The following DDX4 variants were observed in gnomAD, a reference collection of about 807,000 sequenced individuals.
DDX4 encodes the protein DEAD-box helicase 4, also known as probable ATP-dependent RNA helicase DDX4.
Under a neutral mutation model 100.0 loss-of-function variants are expected in DDX4, and 25 were observed. The ratio of observed to expected loss-of-function variants is 0.25; its 90% CI spans 0.18 to 0.35. The LOEUF (loss-of-function observed/expected upper bound fraction) is 0.35. Ranked by LOEUF, DDX4 falls within the 10% of genes least tolerant of loss-of-function variation. DDX4 has a pLI of 1.00. For synonymous variants in DDX4, 259 were observed against 275.7 expected (o/e 0.94, Z 0.60); for missense variants, 635 against 882.4 (o/e 0.72, Z 3.55).
chr5:55,740,187 T>G (rs1245165350), intron 2 of DDX4, among the ~76,000 whole-genome samples: 2 of 152,272 alleles, frequency 1.3e-5, no homozygotes, highest in Non-Finnish European at 2.9e-5. Flanking sequence ...TGTTTGTTTT[T>G]GATACAGTGT....
At chr5:55,812,058 C>T (rs1159101336) in intron 18 of DDX4, among the ~76,000 whole-genome samples, 1 of 152,174 alleles carries the variant, frequency 6.6e-6, no homozygotes, top group East Asian at 1.9e-4. Context: ...ATTATGTAAA[C>T]TTGGATTCTT....
intron 13 of DDX4, 85 bp downstream of exon 13, chr5:55,785,956 A>C: frequency 1.1e-6 from 1 of 905,530 alleles, no homozygotes; most frequent in Non-Finnish European, 1.7e-6. Flanking sequence ...GCTGATATCA[A>C]CACATAGATT....
chr5:55,807,944 T>G (rs1048998330), intron 18 of DDX4, among the ~76,000 whole-genome samples: 2 of 152,242 alleles, frequency 1.3e-5, no homozygotes, highest in African/African-American at 4.8e-5. Flanking sequence ...CCCTGTCACT[T>G]TCAGGTACAC....
intron 7 of DDX4, among the ~76,000 whole-genome samples, chr5:55,774,660 T>G (rs1423135909): frequency 6.6e-6 from 1 of 152,218 alleles, no homozygotes. Flanking sequence ...GTTCTTACAC[T>G]TAAGTCTTTG....
intron 2 of DDX4, 26 bp from the exon 3 acceptor site, chr5:55,746,138 A>G: frequency 6.4e-7 from 1 of 1,569,148 alleles, no homozygotes; most frequent in African/African-American, 1.4e-5. Context: ...GTAGGAAACT[A>G]GTTTTTTCTT....
chr5:55,764,223 C>G (rs1740749736), intron 6 of DDX4, among the ~76,000 whole-genome samples, 159 bp downstream of exon 6: 1 of 152,132 alleles, frequency 6.6e-6, no homozygotes, highest in Admixed American at 6.5e-5. Context: ...GATATTACTG[C>G]TTTGTACATA....
intron 16 of DDX4, 109 bp downstream of exon 16, chr5:55,790,814 T>A: frequency 1.1e-6 from 1 of 910,626 alleles, no homozygotes; most frequent in Non-Finnish European, 1.7e-6. Flanking sequence ...ACTATTTATG[T>A]GTTAGCCTCC....
At chr5:55,803,216 G>C (rs1743440493) in intron 18 of DDX4, among the ~76,000 whole-genome samples, 1 of 150,186 alleles carries the variant, frequency 6.7e-6, no homozygotes, top group Non-Finnish European at 1.5e-5. Context: ...TTTTGTCCTT[G>C]CAATAGTTTG....
chr5:55,785,255 C>T lies in DDX4; in HGVS notation c.626-42C>T, dbSNP rs767975513. 1.4e-5 allele frequency: 19 copies of T among 1,384,130 alleles called. No homozygotes were observed. In the East Asian group the frequency reaches 4.3e-4, roughly 32 times the overall value. 85.7% of individuals were successfully genotyped at this position (1,384,130 alleles called of 1,614,324 possible). On this transcript the variant is annotated intron_variant, in intron 10 of 21. Transcript: ENST00000505374. ...CAACGAAAATAAAGATGTGCACAGCCTTACATCTTGACCGATTGTCACTTA... is the reference window on the plus strand; with the variant it reads ...CAACGAAAATAAAGATGTGCACAGCTTTACATCTTGACCGATTGTCACTTA...
chr5:55,786,542 C>A lies in DDX4; in HGVS notation c.889C>A (p.Gln297Lys). The change falls in exon 14 of 22, where the codon CAG (glutamine) becomes AAG (lysine). Residue 297 changes from glutamine (Q) to lysine (K), a missense_variant. Around this residue, in one of 4 missense-constraint regions of DDX4, gnomAD observed 446 missense variants for 540.8 expected, o/e 0.82. Coordinates refer to ENST00000505374, the MANE Select transcript of DDX4 (RefSeq NM_024415.3). ...ILTFEEANLC[Q>K]TLNNNIAKAG... ...GACTTTTGAAGAAGCTAATCTCTGT[C>A]AGACACTGAATAACAACATTGCTAA... is the stretch of plus-strand genomic sequence containing the variant. The A allele has an allele frequency of 6.2e-7, 1 of 1,612,808 alleles. No individual in the cohort carries two copies.
chr5:55,762,867 C>CT (rs1238955518), intron 4 of DDX4, among the ~76,000 whole-genome samples: 2 of 152,132 alleles, frequency 1.3e-5, no homozygotes, highest in Non-Finnish European at 2.9e-5. Context: ...ATAGCTGGCT[C>CT]TATCAGGATG....
At position 55,779,949 on chromosome 5, in the gene DDX4, G is replaced by A; in HGVS notation, c.395-15G>A. 6.2e-7 allele frequency: 1 copy of A among 1,610,794 alleles called. No individual in the cohort carries two copies. The highest frequency in any genetic ancestry group is 8.5e-7 in the Non-Finnish European group (1 of 1,178,628). On this transcript the variant is annotated splice_polypyrimidine_tract_variant and intron_variant, in intron 7 of 21. Transcript: ENST00000505374. ...GTTGTTTTGTGTTGTTCTTGTGTGT[G>A]TTTTAACATTATAGGCTATCGAGAT... is the stretch of plus-strand genomic sequence containing the variant.
chr5:55,788,109 A>G lies in DDX4; in HGVS notation c.1172+109A>G, dbSNP rs971889309. 7 of 920,322 alleles carry G rather than the reference A, an allele frequency of 7.6e-6. No homozygotes were observed. In the African/African-American group the frequency reaches 8.4e-5, roughly 11 times the overall value. 57.0% of individuals were successfully genotyped at this position (920,322 alleles called of 1,614,324 possible). A position where few individuals can be genotyped will look rare whatever the true frequency, so the allele number is the denominator to read the frequency against. ...ATGCACTCATGTAATTTTTAGCATT[A>G]CTTAAAGTATTTTTTTATTATCTTG... On this transcript the variant is annotated intron_variant, in intron 15 of 21. Transcript: ENST00000505374.
chr5:55,799,802 C>T (rs141523719), intron 18 of DDX4, among the ~76,000 whole-genome samples: 281 of 152,272 alleles, frequency 1.8e-3, no homozygotes, highest in African/African-American at 4.8e-3. Context: ...GGTCTACTTA[C>T]ATGTTACACT....
chr5:55,772,807 A>G (rs1430774374), intron 7 of DDX4, among the ~76,000 whole-genome samples: 1 of 152,214 alleles, frequency 6.6e-6, no homozygotes, highest in Non-Finnish European at 1.5e-5. Context: ...GGCTCTTCCC[A>G]GATGCCCAGT....
intron 6 of DDX4, 50 bp from the exon 7 acceptor site, chr5:55,767,831 C>A: frequency 7.3e-7 from 1 of 1,378,926 alleles, no homozygotes. Flanking sequence ...TTATATATTG[C>A]ATCATTTAAG....
intron 16 of DDX4, among the ~76,000 whole-genome samples, chr5:55,792,354 T>TATTTTTATTTTTTTC (rs1742630903): frequency 6.6e-6 from 1 of 151,406 alleles, no homozygotes; most frequent in Non-Finnish European, 1.5e-5. Flanking sequence ...TTATTTTTTT[T>TATTTTTATTTTTTTC]TATTTTTATT....
intron 3 of DDX4, among the ~76,000 whole-genome samples, chr5:55,748,665 T>C (rs1759376059): frequency 6.6e-6 from 1 of 152,078 alleles, no homozygotes; most frequent in African/African-American, 2.4e-5. Flanking sequence ...AATTTTCTTA[T>C]TAGAGAAATA....
intron 2 of DDX4, 135 bp downstream of exon 2, chr5:55,739,167 G>A: frequency 1.6e-6 from 1 of 622,670 alleles, no homozygotes; most frequent in Non-Finnish European, 2.8e-6. Flanking sequence ...TATTATATGG[G>A]GAATAAGAGA....
Sources: allele counts gnomAD v4.1 joint callset (sites outside exome capture counted in the v4.1 genomes callset), GRCh38; gene constraint gnomAD v4.1.1; regional missense constraint gnomAD v4.1.1; transcripts MANE v1.5; gene names NCBI Gene and HGNC (gene_info 2026-07-23, HGNC 2026-07-21).